Variants in FOXP2 observed in about 807,000 individuals in gnomAD.
FOXP2 encodes forkhead box P2.
Under a neutral mutation model 115.8 loss-of-function variants are expected in FOXP2, and 12 were observed. The observed-to-expected ratio is 0.10, with a 90% CI of 0.07 to 0.17. The LOEUF (loss-of-function observed/expected upper bound fraction) is 0.17. Ranked by LOEUF, FOXP2 falls within the 10% of genes least tolerant of loss-of-function variation. The probability of loss-of-function intolerance (pLI) is 1.00; values close to 1 mark genes in which losing one functional copy is unlikely to be tolerated. For synonymous variants in FOXP2, 328 were observed against 297.7 expected, an observed-to-expected ratio of 1.10 and a Z score of -1.05; for missense variants, 629 against 843.5, an observed-to-expected ratio of 0.75 and a Z score of 3.15.
chr7:114,330,083 T>C (rs1797663227), intron 2 of FOXP2, among the ~76,000 whole-genome samples: 1 of 152,240 alleles, frequency 6.6e-6, no homozygotes, highest in Non-Finnish European at 1.5e-5. Context: ...TGAGTAATTC[T>C]TGTTGCCCTT....
chr7:114,274,679 A>C (rs1796143880), intron 1 of FOXP2, among the ~76,000 whole-genome samples: 1 of 129,706 alleles, frequency 7.7e-6, no homozygotes, highest in Non-Finnish European at 1.5e-5. Flanking sequence ...CAGTGGCACG[A>C]TCTCGGCTCA....
chr7:114,428,063 G>A (rs900036758), intron 2 of FOXP2, among the ~76,000 whole-genome samples: 2 of 151,276 alleles, frequency 1.3e-5, no homozygotes, highest in Admixed American at 6.6e-5. Flanking sequence ...TGGTGTATTC[G>A]CAGGAAATAT....
chr7:114,282,955 G>A (rs148519648), intron 1 of FOXP2, among the ~76,000 whole-genome samples: 1 of 152,296 alleles, frequency 6.6e-6, no homozygotes, highest in Non-Finnish European at 1.5e-5. Context: ...TGTAGGCACT[G>A]CTGCCTCCTG....
intron 1 of FOXP2, among the ~76,000 whole-genome samples, chr7:114,276,485 T>G (rs536660667): frequency 6.6e-6 from 1 of 152,072 alleles, no homozygotes; most frequent in Non-Finnish European, 1.5e-5. Flanking sequence ...TTTTAAATGG[T>G]TCTTTTTCCC....
chr7:114,485,266 C>A (rs965027926), intron 2 of FOXP2, among the ~76,000 whole-genome samples: 5 of 151,752 alleles, frequency 3.3e-5, no homozygotes, highest in African/African-American at 9.7e-5. Flanking sequence ...TTTAAAGTAA[C>A]CCATATCAAT....
chr7:114,109,646 A>C (rs1791214587), intron 1 of FOXP2, among the ~76,000 whole-genome samples: 1 of 152,132 alleles, frequency 6.6e-6, no homozygotes, highest in Admixed American at 6.6e-5. Flanking sequence ...TTAATCATAA[A>C]TGTAAGTCAA....
chr7:114,552,236 G>A (rs558628591), intron 3 of FOXP2, among the ~76,000 whole-genome samples: 84 of 152,272 alleles, frequency 5.5e-4, no homozygotes, highest in African/African-American at 1.9e-3. Context: ...TAAATGACCT[G>A]CTGGTATTCC....
chr7:114,246,662 CATGGTTCT>C (rs1795292659), intron 1 of FOXP2, among the ~76,000 whole-genome samples: 2 of 152,168 alleles, frequency 1.3e-5, no homozygotes, highest in South Asian at 4.2e-4. Context: ...TAGTTCTAAT[CATGGTTCT>C]AATCATGAGG....
intron 2 of FOXP2, among the ~76,000 whole-genome samples, chr7:114,462,184 G>C (rs1795594199): frequency 6.7e-6 from 1 of 148,980 alleles, no homozygotes; most frequent in Non-Finnish European, 1.5e-5. Context: ...GGGAGGCTGA[G>C]GCAGGAGAAT....
chr7:114,498,893 T>C (rs755191891), intron 2 of FOXP2: 23 of 717,958 alleles, frequency 3.2e-5, no homozygotes, highest in Non-Finnish European at 5.5e-5. Context: ...GAGGATGTTG[T>C]CTCTTACACC....
chr7:114,582,719 TA>T (rs959120859), intron 3 of FOXP2, among the ~76,000 whole-genome samples: 5 of 152,172 alleles, frequency 3.3e-5, no homozygotes, highest in African/African-American at 1.2e-4. Flanking sequence ...TGGTAATTAA[TA>T]AAATAAAGCT....
intron 1 of FOXP2, among the ~76,000 whole-genome samples, chr7:114,221,186 A>G (rs1303979951): frequency 6.6e-6 from 1 of 152,060 alleles, no homozygotes. Flanking sequence ...TTCAGTCACT[A>G]TTTTCATAAT....
intron 2 of FOXP2, among the ~76,000 whole-genome samples, chr7:114,404,199 AT>A (rs1203633534): frequency 6.6e-6 from 1 of 152,096 alleles, no homozygotes. Context: ...TGACTTTACA[AT>A]TTTGTCAAGG....
rs1363089856 is a variant in FOXP2 at position 114,691,683 on chromosome 7, C to A, written c.*1757C>A. ...TCCCCCAACCAAGGGACCTCATAAC[C>A]TGATTATGGTTATTGCTTTACAAAC... On this transcript the variant is annotated 3_prime_UTR_variant, in exon 17 of 17. Transcript: ENST00000350908. 1 of 453,964 alleles carries A rather than the reference C, an allele frequency of 2.2e-6. No homozygotes were observed. The highest frequency in any genetic ancestry group is 2.4e-5 in the Admixed American group (1 of 42,532). 28.1% of individuals were successfully genotyped at this position (453,964 alleles called of 1,614,324 possible). A position where few individuals can be genotyped will look rare whatever the true frequency, so the allele number is the denominator to read the frequency against.
Position 114,693,567 on chromosome 7 carries a change from G to T in FOXP2, c.*3641G>T. 2 of 453,212 alleles carry T rather than the reference G, an allele frequency of 4.4e-6. No homozygotes were observed. Among genetic ancestry groups the T allele is most frequent in the South Asian group, 3.1e-5 (2 of 64,314 alleles). 28.1% of individuals were successfully genotyped at this position (453,212 alleles called of 1,614,324 possible). A position where few individuals can be genotyped will look rare whatever the true frequency, so the allele number is the denominator to read the frequency against. On this transcript the variant is annotated 3_prime_UTR_variant, in exon 17 of 17. Coordinates refer to ENST00000350908, the MANE Select transcript of FOXP2 (RefSeq NM_014491.4). Reference sequence around the variant, plus strand: ...TACCCTTGTTATTTCACTAGTTCAGGTTGCAACGAAAGGTTTTTTTGTCCA... The same window carrying T: ...TACCCTTGTTATTTCACTAGTTCAGTTTGCAACGAAAGGTTTTTTTGTCCA...
intron 1 of FOXP2, among the ~76,000 whole-genome samples, chr7:114,252,822 A>T (rs1008916754): frequency 2.4e-4 from 36 of 151,998 alleles, no homozygotes; most frequent in Admixed American, 1.7e-3. Flanking sequence ...AGTTATTTCT[A>T]GCCTTCTGCT....
intron 2 of FOXP2, among the ~76,000 whole-genome samples, chr7:114,331,440 A>T (rs1797711493): frequency 6.6e-6 from 1 of 152,168 alleles, no homozygotes; most frequent in African/African-American, 2.4e-5. Context: ...TGTTAGCAAT[A>T]ATAGCTAAGA....
At chr7:114,599,311 G>A (rs1802894886) in intron 3 of FOXP2, among the ~76,000 whole-genome samples, 1 of 151,986 alleles carries the variant, frequency 6.6e-6, no homozygotes, top group African/African-American at 2.4e-5. Context: ...GCTTTTTTCT[G>A]CATGTATTGA....
At chr7:114,579,375 T>A (rs563275454) in intron 3 of FOXP2, among the ~76,000 whole-genome samples, 3 of 152,252 alleles carry the variant, frequency 2.0e-5, no homozygotes, top group Admixed American at 2.0e-4. Flanking sequence ...GGTACAGAGG[T>A]TACAGAATTC....
Sources: allele counts gnomAD v4.1 joint callset (sites outside exome capture counted in the v4.1 genomes callset), GRCh38; gene constraint gnomAD v4.1.1; transcripts MANE v1.5; gene names NCBI Gene and HGNC (gene_info 2026-07-23, HGNC 2026-07-21).